The following STRN variants were observed in gnomAD, a reference collection of about 807,000 sequenced individuals.
STRN encodes protein phosphatase 2 regulatory subunit B'''alpha.
Under a neutral mutation model 96.3 loss-of-function variants are expected in STRN, and 53 were observed. The observed-to-expected ratio is 0.55, with a 90% CI of 0.44 to 0.69. The LOEUF is 0.69. Among genes scored for constraint, STRN ranks in the 30% least tolerant of loss-of-function variants. The probability of loss-of-function intolerance (pLI) is 0.00; values close to 1 mark genes in which losing one functional copy is unlikely to be tolerated. For missense variants in STRN, 987 were observed against 963.9 expected (o/e 1.02, Z -0.32); for synonymous variants, 428 against 355.9 (o/e 1.20, Z -2.28).
chr2:36,862,147 T>C lies in STRN; in HGVS notation c.1548-894A>G, dbSNP rs146171601. 7.5e-3 allele frequency among the ~76,000 whole-genome samples: 1,148 copies of C among 152,334 alleles called. 15 individuals carry two copies. The highest frequency in any genetic ancestry group is 0.026 in the African/African-American group (1,099 of 41,560). On this transcript the variant is annotated intron_variant, in intron 12 of 17. Transcript: ENST00000263918. ...ATTCCACGGTGTCTATGTACCACAT[T>C]TTCTTTATCCAGTTTACCGATGATG...
chr2:36,872,534 T>A (rs1040866989), intron 10 of STRN, among the ~76,000 whole-genome samples: 14 of 152,176 alleles, frequency 9.2e-5, no homozygotes, highest in Admixed American at 6.5e-4. Flanking sequence ...ATAATAAATG[T>A]TTTTTGTTTT....
At chr2:36,880,822 T>C (rs1204528066) in intron 9 of STRN, among the ~76,000 whole-genome samples, 4 of 152,186 alleles carry the variant, frequency 2.6e-5, no homozygotes, top group Middle Eastern at 3.2e-3. Context: ...GGATAGACCA[T>C]ATAAATTATG....
intron 10 of STRN, among the ~76,000 whole-genome samples, chr2:36,872,256 C>T (rs748325924): frequency 1.2e-4 from 19 of 152,230 alleles, no homozygotes; most frequent in Non-Finnish European, 2.1e-4. Context: ...CACATGCACT[C>T]ACACTGGGGG....
intron 1 of STRN, among the ~76,000 whole-genome samples, chr2:36,951,839 G>GT (rs1211847061): frequency 6.6e-6 from 1 of 152,212 alleles, no homozygotes; most frequent in Non-Finnish European, 1.5e-5. Context: ...GGCCTGTTAG[G>GT]AACTGGGTGG....
chr2:36,845,554 T>A lies in STRN; in HGVS notation c.*3902A>T, dbSNP rs530454578. ...GTTGAATCTTTACCACATAAGAACTTCATGACATGCTGTTTTGTAAGAGGG... is the reference window on the plus strand; with the variant it reads ...GTTGAATCTTTACCACATAAGAACTACATGACATGCTGTTTTGTAAGAGGG... On this transcript the variant is annotated 3_prime_UTR_variant, in exon 18 of 18. Coordinates refer to ENST00000263918, the MANE Select transcript of STRN (RefSeq NM_003162.4). 6.6e-6 allele frequency: 1 copy of A among 152,282 alleles called. No homozygotes were observed. Among genetic ancestry groups the A allele is most frequent in the South Asian group, 2.1e-4 (1 of 4,834 alleles). The allele number at this position is 152,282 out of a possible 1,614,324, so 9.4% of individuals were successfully genotyped here.
intron 5 of STRN, among the ~76,000 whole-genome samples, chr2:36,901,783 G>A (rs112345159): frequency 1.3e-5 from 2 of 152,070 alleles, no homozygotes; most frequent in Non-Finnish European, 2.9e-5. Context: ...AAGGAACTTT[G>A]CTTATAAAAG....
At chr2:36,921,623 T>C (rs1162558040) in intron 2 of STRN, among the ~76,000 whole-genome samples, 3 of 152,236 alleles carry the variant, frequency 2.0e-5, no homozygotes, top group Non-Finnish European at 4.4e-5. Flanking sequence ...TCAAATTATC[T>C]TTCTCATTCA....
intron 1 of STRN, among the ~76,000 whole-genome samples, chr2:36,948,909 A>G (rs778811069): frequency 2.6e-5 from 4 of 152,246 alleles, no homozygotes; most frequent in Non-Finnish European, 2.9e-5. Context: ...TTGAGCAATG[A>G]CAAAAAAAGC....
intron 5 of STRN, among the ~76,000 whole-genome samples, chr2:36,900,272 T>C (rs1404351343): frequency 6.6e-6 from 1 of 152,192 alleles, no homozygotes; most frequent in Non-Finnish European, 1.5e-5. Context: ...AACCTTAATG[T>C]ATTTCATTTT....
rs777235652 is a variant in STRN at position 36,893,984 on chromosome 2, T to C, written c.845A>G (p.Lys282Arg). The change falls in exon 7 of 18, where the codon AAA (lysine) becomes AGA (arginine). Residue 282 changes from lysine to arginine, a missense_variant. By Grantham distance (26) the Lys-to-Arg change is conservative (BLOSUM62 2). Coordinates refer to ENST00000263918, the MANE Select transcript of STRN (RefSeq NM_003162.4). ...GAAGTCAAACTCCTTTAGAGCTTCT[T>C]TTGTATCTCGATCTTCACCGCTGTC... ...LPDSGEDRDTKEALKEFDFLV... is the reference protein window; with the variant it reads ...LPDSGEDRDTREALKEFDFLV... 6.2e-7 allele frequency: 1 copy of C among 1,613,650 alleles called. No homozygotes were observed. Among genetic ancestry groups the C allele is most frequent in the Non-Finnish European group, 8.5e-7 (1 of 1,179,872 alleles).
chr2:36,916,406 T>C (rs1012708425), intron 2 of STRN, among the ~76,000 whole-genome samples: 5 of 151,544 alleles, frequency 3.3e-5, no homozygotes, highest in Non-Finnish European at 5.9e-5. Context: ...CTTTCTGTAA[T>C]AACAAAATGA....
chr2:36,878,702 T>A (rs1464973621), intron 9 of STRN, among the ~76,000 whole-genome samples: 1 of 152,166 alleles, frequency 6.6e-6, no homozygotes, highest in East Asian at 1.9e-4. Flanking sequence ...AGCACTCTTC[T>A]GTAGGTATAT....
intron 8 of STRN, 31 bp from the exon 9 acceptor site, chr2:36,884,106 T>C (rs756127085): frequency 5.3e-5 from 70 of 1,313,674 alleles, no homozygotes; most frequent in Non-Finnish European, 6.6e-5. Flanking sequence ...TGGGAGGAGA[T>C]AAAAAAGAGA....
At chr2:36,929,978 G>A (rs1202673144) in intron 1 of STRN, among the ~76,000 whole-genome samples, 7 of 152,228 alleles carry the variant, frequency 4.6e-5, no homozygotes, top group African/African-American at 7.2e-5. Flanking sequence ...TATGGTTACA[G>A]TGTACAATGA....
At chr2:36,949,063 T>C (rs935864544) in intron 1 of STRN, among the ~76,000 whole-genome samples, 4 of 152,222 alleles carry the variant, frequency 2.6e-5, no homozygotes, top group Admixed American at 2.6e-4. Context: ...GGTTATACCA[T>C]AATTTGGCTG....
intron 11 of STRN, among the ~76,000 whole-genome samples, chr2:36,868,395 T>C (rs1478748693): frequency 1.3e-5 from 2 of 152,198 alleles, no homozygotes; most frequent in Non-Finnish European, 2.9e-5. Flanking sequence ...AAGGATAATA[T>C]GTCTATCCTT....
chr2:36,962,792 G>A (rs1285882353), intron 1 of STRN, among the ~76,000 whole-genome samples: 1 of 152,166 alleles, frequency 6.6e-6, no homozygotes, highest in African/African-American at 2.4e-5. Flanking sequence ...ACAGGTGTGA[G>A]CCACCGCGCC....
rs1221742923 is a variant in STRN, at chr2:36,839,584, GATCT to G, written c.*9868_*9871del. 1.3e-5 allele frequency among the ~76,000 whole-genome samples: 2 copies of G among 152,120 alleles called. No individual in the cohort carries two copies. The highest frequency in any genetic ancestry group is 4.8e-5 in the African/African-American group (2 of 41,432). On this transcript the variant is annotated 3_prime_UTR_variant, in exon 18 of 18. Coordinates refer to ENST00000263918, the MANE Select transcript of STRN (RefSeq NM_003162.4). The stretch of plus-strand genomic sequence containing the variant: ...TATCTCAAATCAACCTAATTAGGCA[GATCT>G]ATTATCCCCATTTCATAGATGAGAA...
At chr2:36,900,135 C>T (rs1004753781) in intron 5 of STRN, among the ~76,000 whole-genome samples, 10 of 152,018 alleles carry the variant, frequency 6.6e-5, no homozygotes, top group Non-Finnish European at 1.0e-4. Context: ...GTGATTCGCC[C>T]GCCTCAGCCT....
Sources: allele counts gnomAD v4.1 joint callset (sites outside exome capture counted in the v4.1 genomes callset), GRCh38; gene constraint gnomAD v4.1.1; transcripts MANE v1.5; gene names NCBI Gene and HGNC (gene_info 2026-07-23, HGNC 2026-07-21).